HMGA2: variants seen among roughly 807,000 people sequenced by gnomAD.
HMGA2 encodes the protein high mobility group protein HMGI-C.
A neutral mutation model predicts 19.1 loss-of-function variants in HMGA2; 8 were observed. The observed-to-expected ratio is 0.42, with a 90% CI of 0.25 to 0.76. HMGA2 has a LOEUF of 0.76. HMGA2 is among the 30% of genes least tolerant of loss of function. The pLI, the probability that HMGA2 is intolerant of heterozygous loss-of-function variation, is 0.28. For missense variants in HMGA2, 109 were observed against 136.3 expected (o/e 0.80, Z 1.00); for synonymous variants, 60 against 48.8 (o/e 1.23, Z -0.96).
At chr12:65,881,363 C>A (rs1195542381) in intron 3 of HMGA2, 1 of 229,942 alleles carries the variant, frequency 4.3e-6, no homozygotes, top group African/African-American at 2.2e-5. Flanking sequence ...GAAACATAAT[C>A]AGATTTTTTT....
intron 3 of HMGA2, among the ~76,000 whole-genome samples, chr12:65,863,575 GA>G (rs34269345): frequency 0.29 from 43,354 of 151,670 alleles, 7,879 homozygotes; most frequent in Non-Finnish European, 0.4. Context: ...AGATTTCAAA[GA>G]AAAAAAAATC....
At chr12:65,885,854 T>C (rs780245458) in intron 3 of HMGA2, among the ~76,000 whole-genome samples, 1 of 152,204 alleles carries the variant, frequency 6.6e-6, no homozygotes, top group African/African-American at 2.4e-5. Context: ...AACTATGCCA[T>C]GAAATTTTGT....
At chr12:65,933,669 G>A (rs1372400105) in intron 3 of HMGA2, among the ~76,000 whole-genome samples, 1 of 152,104 alleles carries the variant, frequency 6.6e-6, no homozygotes, top group Non-Finnish European at 1.5e-5. Context: ...TGAAATTATG[G>A]TTGACTGAAA....
At chr12:65,947,948 C>T (rs1592463250) in intron 3 of HMGA2, among the ~76,000 whole-genome samples, 1 of 152,174 alleles carries the variant, frequency 6.6e-6, no homozygotes, top group Admixed American at 6.5e-5. Context: ...CCGGGAAGTA[C>T]AGCTTCTCCT....
intron 2 of HMGA2, among the ~76,000 whole-genome samples, chr12:65,829,639 A>T (rs753252643): frequency 2.0e-5 from 3 of 152,072 alleles, no homozygotes; most frequent in Non-Finnish European, 4.4e-5. Context: ...GAAATCTTTA[A>T]ATTTCACCAT....
intron 4 of HMGA2, chr12:65,958,842 C>A (rs1019622641): frequency 6.6e-6 from 1 of 150,942 alleles, no homozygotes; most frequent in African/African-American, 2.4e-5. Flanking sequence ...TTGCAGAATT[C>A]TTTGCAGTTA....
chr12:65,875,627 T>A (rs1240708081), intron 3 of HMGA2, among the ~76,000 whole-genome samples: 9 of 110,538 alleles, frequency 8.1e-5, no homozygotes, highest in African/African-American at 3.8e-4. Flanking sequence ...TTTTTTTTTT[T>A]TTTAGTAAAG....
chr12:65,915,266 C>A, intron 3 of HMGA2: 1 of 1,512,708 alleles, frequency 6.6e-7, no homozygotes, highest in Non-Finnish European at 8.9e-7. Context: ...CATTTCAAAA[C>A]ACTGGCTTAT....
chr12:65,959,997 C>G (rs564567302), intron 4 of HMGA2, among the ~76,000 whole-genome samples: 65 of 152,282 alleles, frequency 4.3e-4, no homozygotes, highest in Admixed American at 4.2e-3. Flanking sequence ...TCACAGCATT[C>G]TCCTGCCGCA....
chr12:65,862,057 C>G (rs1377646598), intron 3 of HMGA2, among the ~76,000 whole-genome samples: 2 of 151,920 alleles, frequency 1.3e-5, no homozygotes, highest in African/African-American at 4.8e-5. Context: ...GTTGATCAGG[C>G]TGGTCTTAGT....
At chr12:65,962,689 G>A (rs1458022174) in intron 4 of HMGA2, among the ~76,000 whole-genome samples, 1 of 152,142 alleles carries the variant, frequency 6.6e-6, no homozygotes, top group Non-Finnish European at 1.5e-5. Context: ...CACACACCCT[G>A]TAATTTTGGG....
chr12:65,932,580 A>T (rs893756144), intron 3 of HMGA2, among the ~76,000 whole-genome samples: 6 of 152,262 alleles, frequency 3.9e-5, no homozygotes, highest in Admixed American at 3.9e-4. Context: ...GGATAGTTTC[A>T]ATTCTATAAA....
intron 3 of HMGA2, chr12:65,842,787 G>A: frequency 7.3e-7 from 1 of 1,368,772 alleles, no homozygotes. Flanking sequence ...TTAATTATTT[G>A]CATTTTTCTA....
Position 65,838,998 on chromosome 12 carries a change from C to CTTTTTTTTTTTTTTTTTTTTTTTTTT in HMGA2, c.249+441_249+442insTTTTTTTTTTTTTTTTTTTTTTTTTT. On this transcript the variant is annotated intron_variant, in intron 3 of 4. Coordinates refer to ENST00000403681, the MANE Select transcript of HMGA2 (RefSeq NM_003483.6). ...TTTCTTTTTCTTTCTTTTTCTTTTT[C>CTTTTTTTTTTTTTTTTTTTTTTTTTT]TTTTTTTTTTTTGGTTTTCTCCATG... Among the ~76,000 whole-genome samples the CTTTTTTTTTTTTTTTTTTTTTTTTTT allele has an allele frequency of 1.1e-3, 113 of 107,094 alleles. 3 individuals carry two copies. The highest frequency in any genetic ancestry group is 2.8e-3 in the African/African-American group (53 of 18,738). 70.3% of individuals were successfully genotyped at this position (107,094 alleles called of 152,430 possible).
intron 3 of HMGA2, among the ~76,000 whole-genome samples, chr12:65,918,106 CT>C (rs773068599): frequency 6.6e-6 from 1 of 152,174 alleles, no homozygotes; most frequent in East Asian, 1.9e-4. Flanking sequence ...GTGAAATGCC[CT>C]TGTGAAGTGC....
intron 3 of HMGA2, among the ~76,000 whole-genome samples, chr12:65,899,150 G>A (rs1409928336): frequency 1.3e-5 from 2 of 151,762 alleles, no homozygotes; most frequent in Non-Finnish European, 2.9e-5. Context: ...CTAGCAAGTG[G>A]CACTGACTGT....
intron 3 of HMGA2, among the ~76,000 whole-genome samples, chr12:65,839,793 A>G (rs779511437): frequency 3.9e-5 from 6 of 152,200 alleles, no homozygotes; most frequent in Admixed American, 6.5e-5. Flanking sequence ...GATTACCTTT[A>G]AAGTTAGGGA....
intron 3 of HMGA2, among the ~76,000 whole-genome samples, chr12:65,863,592 A>C (rs1872225331): frequency 1.3e-5 from 2 of 152,228 alleles, no homozygotes; most frequent in Admixed American, 1.3e-4. Flanking sequence ...AAATCACAAC[A>C]ATATCCTTTG....
intron 3 of HMGA2, among the ~76,000 whole-genome samples, chr12:65,904,607 ATG>A (rs1457618329): frequency 6.6e-6 from 1 of 152,188 alleles, no homozygotes; most frequent in Admixed American, 6.5e-5. Flanking sequence ...ATTCTGAATG[ATG>A]TGTTTATTAA....
Sources: gnomAD v4.1 joint callset for allele counts (sites outside exome capture counted in the v4.1 genomes callset) on GRCh38, gnomAD v4.1.1 for gene constraint, MANE v1.5 for transcripts, NCBI Gene and HGNC (gene_info 2026-07-23, HGNC 2026-07-21) for gene names.